The following CDH10 variants were observed in gnomAD, a reference collection of about 807,000 sequenced individuals.
The protein encoded by CDH10 is cadherin-10.
A neutral mutation model predicts 73.1 loss-of-function variants in CDH10; 30 were observed. The observed-to-expected ratio is 0.41, with a 90% CI of 0.31 to 0.56. CDH10 has a LOEUF of 0.56. Ranked by LOEUF, CDH10 falls within the 20% of genes least tolerant of loss-of-function variation. The pLI is 0.27. For synonymous variants in CDH10, 345 were observed against 348.2 expected (o/e 0.99, Z 0.10); for missense variants, 815 against 973.7 (o/e 0.84, Z 2.17).
At chr5:24,496,712 A>G (rs1051365056) in intron 9 of CDH10, among the ~76,000 whole-genome samples, 1 of 152,188 alleles carries the variant, frequency 6.6e-6, no homozygotes, top group African/African-American at 2.4e-5. Context: ...AGGAACCCTG[A>G]CATTCTTCTG....
At chr5:24,644,028 T>G (rs190553137) in intron 1 of CDH10, among the ~76,000 whole-genome samples, 1 of 152,326 alleles carries the variant, frequency 6.6e-6, no homozygotes, top group East Asian at 1.9e-4. Context: ...ATTCTATTTC[T>G]GATGAATGTC....
chr5:24,549,403 C>A (rs578043165), intron 2 of CDH10, among the ~76,000 whole-genome samples: 1 of 152,076 alleles, frequency 6.6e-6, no homozygotes, highest in Non-Finnish European at 1.5e-5. Flanking sequence ...CACACCTAAC[C>A]CAGTTATACT....
rs1011823203 is a variant in CDH10 at position 24,511,382 on chromosome 5, A to T, written c.947T>A (p.Met316Lys). The change falls in exon 6 of 12, where the codon ATG becomes AAG. Residue 316 changes from methionine (M) to lysine (K), a missense_variant. Met to Lys is a moderately conservative substitution (Grantham distance 95). Coordinates refer to ENST00000264463, the MANE Select transcript of CDH10 (RefSeq NM_006727.5). ...GTCCTTCTCAGTCACGATGTCAAAC[A>T]TATCAGTACCGTCACCATCAATAAT... is the stretch of plus-strand genomic sequence containing the variant. ...YRIIDGDGTD[M>K]FDIVTEKDTQ... 6.2e-7 allele frequency: 1 copy of T among 1,612,850 alleles called. No individual in the cohort carries two copies. Among genetic ancestry groups the T allele is most frequent in the Non-Finnish European group, 8.5e-7 (1 of 1,178,866 alleles).
At chr5:24,501,431 A>T (rs541265442) in intron 8 of CDH10, among the ~76,000 whole-genome samples, 1 of 152,272 alleles carries the variant, frequency 6.6e-6, no homozygotes, top group African/African-American at 2.4e-5. Flanking sequence ...GCTGTCGCTT[A>T]TGTATAAATA....
intron 2 of CDH10, among the ~76,000 whole-genome samples, chr5:24,582,243 C>T (rs1745829295): frequency 6.6e-6 from 1 of 152,150 alleles, no homozygotes; most frequent in Non-Finnish European, 1.5e-5. Flanking sequence ...ATATGTGATC[C>T]ATATTAATAG....
At chr5:24,631,535 G>A (rs758014949) in intron 1 of CDH10, among the ~76,000 whole-genome samples, 1 of 151,924 alleles carries the variant, frequency 6.6e-6, no homozygotes, top group East Asian at 1.9e-4. Context: ...CATGCCTCCT[G>A]GCTCATCAGC....
intron 2 of CDH10, among the ~76,000 whole-genome samples, chr5:24,584,713 C>T (rs1048216105): frequency 6.6e-6 from 1 of 151,890 alleles, no homozygotes; most frequent in African/African-American, 2.4e-5. Context: ...TAGTGATCCA[C>T]CCGCCTTGGC....
Position 24,505,229 on chromosome 5 carries a change from T to C in CDH10, c.1276A>G (p.Thr426Ala), listed in dbSNP as rs2111727668. Residue 426 changes from threonine (T) to alanine (A), a missense_variant, in exon 8 of 12, where the codon ACT becomes GCT. Transcript: ENST00000264463. ...ATGTTAAAGATTCTGTCAAGGTCAG[T>C]ATGGCGATCCAAGGAAAATCTGAAC... Reference protein sequence around the residue: ...SPIRFSLDRHTDLDRIFNIHS... With the variant: ...SPIRFSLDRHADLDRIFNIHS... 6.2e-7 allele frequency: 1 copy of C among 1,613,096 alleles called. No homozygotes were observed. Among genetic ancestry groups the C allele is most frequent in the Non-Finnish European group, 8.5e-7 (1 of 1,179,350 alleles).
chr5:24,591,431 G>A (rs1746196781), intron 2 of CDH10, among the ~76,000 whole-genome samples: 1 of 151,922 alleles, frequency 6.6e-6, no homozygotes, highest in African/African-American at 2.4e-5. Context: ...GAAAAGAACT[G>A]ATGAACACAT....
At chr5:24,620,966 T>A (rs1196367832) in intron 1 of CDH10, among the ~76,000 whole-genome samples, 1 of 152,236 alleles carries the variant, frequency 6.6e-6, no homozygotes, top group African/African-American at 2.4e-5. Context: ...ACTGCCAGCA[T>A]AATATACAAG....
intron 2 of CDH10, among the ~76,000 whole-genome samples, chr5:24,570,772 C>T (rs896657578): frequency 8.6e-5 from 13 of 151,970 alleles, no homozygotes; most frequent in African/African-American, 3.1e-4. Context: ...TAGTTTTGTA[C>T]TTCACATTTT....
Position 24,491,619 on chromosome 5 carries a change from A to C in CDH10, c.1833T>G (p.Thr611=). 6.2e-7 allele frequency: 1 copy of C among 1,613,892 alleles called. No homozygotes were observed. Among genetic ancestry groups the C allele is most frequent in the Non-Finnish European group, 8.5e-7 (1 of 1,179,872 alleles). Residue 611 remains threonine, a synonymous_variant, in exon 11 of 12, where the codon ACT becomes ACG. Coordinates refer to ENST00000264463, the MANE Select transcript of CDH10 (RefSeq NM_006727.5). ...EALLLPAGLS[T]GALIAILLCI... ...AGAGGAGGATGGCGATCAAGGCCCCAGTGCTGAGGCCGGCAGGGAGGAGCA... is the reference window on the plus strand; with the variant it reads ...AGAGGAGGATGGCGATCAAGGCCCCCGTGCTGAGGCCGGCAGGGAGGAGCA...
At chr5:24,539,095 A>G (rs1012085359) in intron 2 of CDH10, among the ~76,000 whole-genome samples, 2 of 152,048 alleles carry the variant, frequency 1.3e-5, no homozygotes, top group African/African-American at 2.4e-5. Flanking sequence ...TTATGTTTTA[A>G]TATTTACATA....
At position 24,491,822 on chromosome 5, in the gene CDH10, T is replaced by C. The variant is rs771222363; in HGVS notation, c.1630A>G (p.Thr544Ala). ...NFTVQDNEDN[T>A]ARILTRKNGF... is the part of the protein sequence containing the mutation. ...TTTTTTCTGGTTAAGATTCTGGCAG[T>C]ATTATCTAAAACAAATTTTAAAATA... Residue 544 changes from threonine to alanine, a missense_variant, in exon 11 of 12, where the codon ACT (threonine) becomes GCT (alanine). Thr to Ala is a moderately conservative substitution (Grantham distance 58). Coordinates refer to ENST00000264463, the MANE Select transcript of CDH10 (RefSeq NM_006727.5). The C allele has an allele frequency of 5.4e-5, 86 of 1,589,788 alleles. No individual in the cohort carries two copies. The highest frequency in any genetic ancestry group is 7.2e-5 in the Non-Finnish European group (84 of 1,160,232).
intron 2 of CDH10, among the ~76,000 whole-genome samples, chr5:24,582,076 A>G (rs1745823262): frequency 6.6e-6 from 1 of 152,198 alleles, no homozygotes; most frequent in Admixed American, 6.5e-5. Context: ...CTAGGTTCAT[A>G]CTATAGAACA....
chr5:24,514,129 G>A (rs185389722), intron 5 of CDH10, among the ~76,000 whole-genome samples: 2 of 152,178 alleles, frequency 1.3e-5, no homozygotes, highest in African/African-American at 2.4e-5. Flanking sequence ...TTGTATAGAA[G>A]CTTCCTACCT....
At chr5:24,548,411 G>A (rs913822567) in intron 2 of CDH10, among the ~76,000 whole-genome samples, 5 of 149,864 alleles carry the variant, frequency 3.3e-5, no homozygotes, top group Non-Finnish European at 5.9e-5. Flanking sequence ...TTGAGCCACC[G>A]AGCCCAGCCA....
rs2111875703 is a variant in CDH10, at chr5:24,535,104, G to T, written c.814+8C>A. The T allele has an allele frequency of 6.3e-7, 1 of 1,594,064 alleles. No individual in the cohort carries two copies. Among genetic ancestry groups the T allele is most frequent in the East Asian group, 2.3e-5 (1 of 43,880 alleles). ...TGCCCGGCAGAATGACCATTAAAGGGTGCTTACTCTGGGGGAAACGTGGTG... is the reference window on the plus strand; with the variant it reads ...TGCCCGGCAGAATGACCATTAAAGGTTGCTTACTCTGGGGGAAACGTGGTG... On this transcript the variant is annotated splice_region_variant and intron_variant, in intron 5 of 11. Transcript: ENST00000264463.
intron 1 of CDH10, among the ~76,000 whole-genome samples, chr5:24,607,566 C>T (rs938909503): frequency 1.1e-4 from 16 of 152,228 alleles, no homozygotes; most frequent in African/African-American, 3.4e-4. Flanking sequence ...CAATCCCTGG[C>T]AAATCCCAGA....
Sources: gnomAD v4.1 joint callset for allele counts (sites outside exome capture counted in the v4.1 genomes callset) on GRCh38, gnomAD v4.1.1 for gene constraint, MANE v1.5 for transcripts, NCBI Gene and HGNC (gene_info 2026-07-23, HGNC 2026-07-21) for gene names.